FHIT: variants seen among roughly 807,000 people sequenced by gnomAD.
FHIT encodes the protein bis(5'-adenosyl)-triphosphatase.
FHIT carries 19 observed loss-of-function variants against 17.9 expected under a neutral mutation model. The ratio of observed to expected loss-of-function variants is 1.06; its 90% CI spans 0.74 to 1.56. FHIT has a LOEUF of 1.56. Among genes scored for constraint, FHIT ranks in the 40% most tolerant of loss-of-function variants. The pLI, the probability that FHIT is intolerant of heterozygous loss-of-function variation, is 0.00. For missense variants in FHIT, 248 were observed against 189.2 expected (o/e 1.31, Z -1.82); for synonymous variants, 81 against 69.7 (o/e 1.16, Z -0.81).
intron 4 of FHIT, among the ~76,000 whole-genome samples, chr3:60,705,149 T>C (rs1171551610): frequency 2.0e-5 from 3 of 151,940 alleles, no homozygotes; most frequent in Non-Finnish European, 4.4e-5. Context: ...GCAACAATCA[T>C]ACTTTATATT....
At chr3:60,809,861 C>G (rs2106709585) in intron 4 of FHIT, among the ~76,000 whole-genome samples, 1 of 152,300 alleles carries the variant, frequency 6.6e-6, no homozygotes, top group South Asian at 2.1e-4. Flanking sequence ...TCAACCCTGG[C>G]TCATACTAGA....
At chr3:60,568,665 T>C (rs1276834557) in intron 4 of FHIT, among the ~76,000 whole-genome samples, 2 of 151,894 alleles carry the variant, frequency 1.3e-5, no homozygotes, top group African/African-American at 4.8e-5. Flanking sequence ...TGAGAAACAG[T>C]TGCCACCTAA....
At chr3:60,161,289 A>G (rs1559687643) in intron 5 of FHIT, among the ~76,000 whole-genome samples, 1 of 152,232 alleles carries the variant, frequency 6.6e-6, no homozygotes, top group Admixed American at 6.5e-5. Flanking sequence ...TCCCATGGGC[A>G]TCACGAAGCT....
chr3:60,696,328 A>AAGACACG (rs2041113723), intron 4 of FHIT, among the ~76,000 whole-genome samples: 1 of 152,194 alleles, frequency 6.6e-6, no homozygotes, highest in African/African-American at 2.4e-5. Context: ...TCAAATTTTA[A>AAGACACG]AGACACGACT....
At chr3:60,736,635 A>C (rs2107999835) in intron 4 of FHIT, among the ~76,000 whole-genome samples, 1 of 152,336 alleles carries the variant, frequency 6.6e-6, no homozygotes, top group Admixed American at 6.5e-5. Context: ...ACCAGGACAT[A>C]GGAGGAGAGG....
chr3:60,564,043 G>C (rs1373586156), intron 4 of FHIT, among the ~76,000 whole-genome samples: 3 of 152,160 alleles, frequency 2.0e-5, no homozygotes, highest in Non-Finnish European at 2.9e-5. Flanking sequence ...AAGCTTCAAT[G>C]AACAAACTGA....
intron 7 of FHIT, among the ~76,000 whole-genome samples, chr3:59,945,226 T>C (rs552656483): frequency 6.6e-6 from 1 of 152,320 alleles, no homozygotes; most frequent in East Asian, 1.9e-4. Context: ...CTGAATGGTA[T>C]GAGATGGTAT....
At chr3:60,471,658 T>G (rs2033094294) in intron 5 of FHIT, among the ~76,000 whole-genome samples, 1 of 152,222 alleles carries the variant, frequency 6.6e-6, no homozygotes, top group Non-Finnish European at 1.5e-5. Flanking sequence ...CTTAATATAC[T>G]GTTAAAACCA....
At chr3:61,192,262 T>A (rs985674085) in intron 2 of FHIT, among the ~76,000 whole-genome samples, 1 of 152,202 alleles carries the variant, frequency 6.6e-6, no homozygotes, top group African/African-American at 2.4e-5. Flanking sequence ...CCTGAGATAA[T>A]TCATTTCTCT....
intron 5 of FHIT, among the ~76,000 whole-genome samples, chr3:60,066,327 C>T (rs1243007025): frequency 6.6e-6 from 1 of 152,166 alleles, no homozygotes; most frequent in African/African-American, 2.4e-5. Context: ...AAGAGCTTCC[C>T]ATTCCCAGGC....
intron 5 of FHIT, among the ~76,000 whole-genome samples, chr3:60,317,933 G>C (rs958773932): frequency 6.6e-6 from 1 of 151,992 alleles, no homozygotes; most frequent in Non-Finnish European, 1.5e-5. Context: ...TGGGACTACA[G>C]GTGCATGTCA....
chr3:60,390,951 G>A (rs528792332), intron 5 of FHIT, among the ~76,000 whole-genome samples: 19 of 152,240 alleles, frequency 1.2e-4, no homozygotes, highest in Admixed American at 2.6e-4. Context: ...AGGCTGAATC[G>A]GGAGGATCAC....
chr3:60,730,442 CT>C, intron 4 of FHIT: 1 of 231,380 alleles, frequency 4.3e-6, no homozygotes. Flanking sequence ...TCTTTGTCTC[CT>C]TTATAAATCC....
chr3:60,955,543 A>G (rs1286009477), intron 3 of FHIT, among the ~76,000 whole-genome samples: 2 of 144,004 alleles, frequency 1.4e-5, no homozygotes, highest in African/African-American at 5.2e-5. Flanking sequence ...AACCATTATA[A>G]AACCATTTTA....
chr3:60,884,208 C>T (rs1705109471), intron 3 of FHIT, among the ~76,000 whole-genome samples: 1 of 152,032 alleles, frequency 6.6e-6, no homozygotes, highest in African/African-American at 2.4e-5. Flanking sequence ...AAAAGACAAA[C>T]AATAACAGAT....
chr3:60,685,063 C>T (rs1268005316), intron 4 of FHIT, among the ~76,000 whole-genome samples: 1 of 152,062 alleles, frequency 6.6e-6, no homozygotes, highest in African/African-American at 2.4e-5. Flanking sequence ...ACAAACACAC[C>T]TTATTAAAGT....
intron 5 of FHIT, among the ~76,000 whole-genome samples, chr3:60,314,046 C>A (rs1709062063): frequency 1.3e-5 from 2 of 152,176 alleles, no homozygotes; most frequent in South Asian, 4.1e-4. Flanking sequence ...ACATCAGTGT[C>A]ATGTTCAAAT....
intron 3 of FHIT, among the ~76,000 whole-genome samples, chr3:60,851,610 G>A (rs1045317164): frequency 6.6e-6 from 1 of 152,030 alleles, no homozygotes; most frequent in African/African-American, 2.4e-5. Flanking sequence ...TGCACACAAG[G>A]TGCAACTCAA....
At chr3:60,375,675 G>C (rs1421290836) in intron 5 of FHIT, among the ~76,000 whole-genome samples, 1 of 152,158 alleles carries the variant, frequency 6.6e-6, no homozygotes, top group Non-Finnish European at 1.5e-5. Flanking sequence ...CAACTGGTTA[G>C]TTGTAGTTAC....
Sources: allele counts gnomAD v4.1 joint callset (sites outside exome capture counted in the v4.1 genomes callset), GRCh38; gene constraint gnomAD v4.1.1; transcripts MANE v1.5; gene names NCBI Gene and HGNC (gene_info 2026-07-23, HGNC 2026-07-21).